PCDHA5: variants seen among roughly 807,000 people sequenced by gnomAD.
PCDHA5 encodes the protein protocadherin alpha 5, also known as protocadherin alpha-5.
Under a neutral mutation model 61.6 loss-of-function variants are expected in PCDHA5, and 43 were observed. The ratio of observed to expected loss-of-function variants is 0.70; its 90% CI spans 0.55 to 0.90. The LOEUF is 0.90. PCDHA5 is among the 40% of genes least tolerant of loss of function. The probability of loss-of-function intolerance (pLI) is 0.00; values close to 1 mark genes in which losing one functional copy is unlikely to be tolerated. For missense variants in PCDHA5, 1,298 were observed against 1,222.7 expected, an observed-to-expected ratio of 1.06 and a Z score of -0.92; for synonymous variants, 627 against 543.9, an observed-to-expected ratio of 1.15 and a Z score of -2.13.
chr5:140,965,011 A>T (rs1418726287), intron 1 of PCDHA5, among the ~76,000 whole-genome samples: 1 of 152,186 alleles, frequency 6.6e-6, no homozygotes, highest in Non-Finnish European at 1.5e-5. Context: ...TGTCAGGATC[A>T]CAACCTTGGC....
At chr5:140,861,401 G>T in intron 1 of PCDHA5, 1 of 465,630 alleles carries the variant, frequency 2.1e-6, no homozygotes, top group Non-Finnish European at 4.4e-6. Flanking sequence ...TGGAGCTTGT[G>T]GAGCTGATAC....
rs377370256 is a variant in PCDHA5 at position 140,966,811 on chromosome 5, G to A, written c.2353-12138G>A. On this transcript the variant is annotated intron_variant, in intron 1 of 3. Transcript: ENST00000529859. ...GACCTGCGGCGACAGAGCATCCACGGCTCCGGCGGCCCATGCCCTGGCTGC... is the reference window on the plus strand; with the variant it reads ...GACCTGCGGCGACAGAGCATCCACGACTCCGGCGGCCCATGCCCTGGCTGC... The A allele has an allele frequency of 1.4e-5, 21 of 1,549,722 alleles. No individual in the cohort carries two copies. The African/African-American group carries it at 2.6e-4, about 19-fold the overall frequency.
chr5:140,928,801 G>T (rs1554206325), intron 1 of PCDHA5: 1 of 1,614,066 alleles, frequency 6.2e-7, no homozygotes, highest in African/African-American at 1.3e-5. Flanking sequence ...GGTGGTGGTA[G>T]TGGTTCGGGA....
At chr5:140,830,934 C>A in intron 1 of PCDHA5, 1 of 152,356 alleles carries the variant, frequency 6.6e-6, no homozygotes, top group Admixed American at 6.5e-5. Context: ...TCTGTCGACA[C>A]TTTTATTAAG....
At chr5:140,858,342 C>T (rs528199752) in intron 1 of PCDHA5, 5 of 1,594,916 alleles carry the variant, frequency 3.1e-6, no homozygotes, top group East Asian at 2.2e-5. Flanking sequence ...CTGCCCAAGG[C>T]GGACCTCATG....
intron 3 of PCDHA5, among the ~76,000 whole-genome samples, chr5:141,000,403 A>G (rs1233777704): frequency 4.8e-5 from 4 of 84,110 alleles, no homozygotes; most frequent in Non-Finnish European, 9.0e-5. Context: ...CTCTATATAT[A>G]TATATATATA....
intron 1 of PCDHA5, 34 bp from the exon 2 acceptor site, chr5:140,978,915 A>G: frequency 6.2e-7 from 1 of 1,613,970 alleles, no homozygotes; most frequent in Non-Finnish European, 8.5e-7. Context: ...TTGTCTTGTC[A>G]TTTTAACAGA....
At chr5:140,855,376 A>T (rs1239693937) in intron 1 of PCDHA5, among the ~76,000 whole-genome samples, 1 of 150,012 alleles carries the variant, frequency 6.7e-6, no homozygotes, top group Non-Finnish European at 1.5e-5. Context: ...GATAATAGGA[A>T]TCTAAATGGA....
chr5:140,836,113 T>A, intron 1 of PCDHA5: 1 of 1,613,528 alleles, frequency 6.2e-7, no homozygotes, highest in South Asian at 1.1e-5. Flanking sequence ...GGTGGCGCAG[T>A]GAGAGAGCTT....
intron 3 of PCDHA5, among the ~76,000 whole-genome samples, chr5:140,983,802 A>G (rs2097069375): frequency 6.6e-6 from 1 of 152,246 alleles, no homozygotes; most frequent in South Asian, 2.1e-4. Context: ...ATGTGTGTGT[A>G]AAAGGTTTTT....
rs782325875 is a variant in PCDHA5, at chr5:140,979,026, A to T, written c.2411+19A>T. The T allele has an allele frequency of 6.2e-7, 1 of 1,613,490 alleles. No homozygotes were observed. The highest frequency in any genetic ancestry group is 1.1e-5 in the South Asian group (1 of 90,898). On this transcript the variant is annotated intron_variant, in intron 2 of 3. Transcript: ENST00000529859. ...TGCACAGGTATGTATTTCCCTCCTC[A>T]TTCACTCAGAAGTAACCTTAACTTG...
At chr5:140,848,803 G>A in intron 1 of PCDHA5, 3 of 1,592,286 alleles carry the variant, frequency 1.9e-6, no homozygotes, top group South Asian at 1.1e-5. Flanking sequence ...GCGGAGTGCA[G>A]CATCCACCTG....
intron 1 of PCDHA5, chr5:140,863,366 C>T (rs1408958867): frequency 6.7e-6 from 8 of 1,190,328 alleles, no homozygotes; most frequent in African/African-American, 4.6e-5. Flanking sequence ...CGGTGCTTGG[C>T]GCAGCTCACC....
At chr5:140,862,837 A>T (rs1562571150) in intron 1 of PCDHA5, 1 of 575,832 alleles carries the variant, frequency 1.7e-6, no homozygotes, top group African/African-American at 1.9e-5. Context: ...CGACGCGGGC[A>T]TGCCGCCTCT....
chr5:140,833,596 T>C (rs1772537859), intron 1 of PCDHA5, among the ~76,000 whole-genome samples: 2 of 152,316 alleles, frequency 1.3e-5, no homozygotes, highest in South Asian at 4.1e-4. Context: ...TATATATAGA[T>C]TCTGCTAAAG....
intron 1 of PCDHA5, among the ~76,000 whole-genome samples, chr5:140,964,060 G>A (rs1187796756): frequency 6.6e-6 from 1 of 152,200 alleles, no homozygotes; most frequent in Non-Finnish European, 1.5e-5. Context: ...GTGTGGTCAA[G>A]GCATTAGTGT....
chr5:140,823,206 T>A lies in PCDHA5; in HGVS notation c.1431T>A (p.Ser477=). The change falls in exon 1 of 4, where the codon TCT becomes TCA. Residue 477 remains serine (S), a synonymous_variant. Transcript: ENST00000529859. ...NPPGCHIFTV[S]ARDADAQENA... is the part of the protein sequence containing the mutation. ...CAGGCTGCCACATCTTCACGGTGTC[T>A]GCACGGGACGCGGACGCGCAGGAGA... 6.2e-7 allele frequency: 1 copy of A among 1,613,806 alleles called. No homozygotes were observed. The highest frequency in any genetic ancestry group is 1.1e-5 in the South Asian group (1 of 91,082).
chr5:140,962,944 G>T (rs572517623), intron 1 of PCDHA5, among the ~76,000 whole-genome samples: 1 of 152,158 alleles, frequency 6.6e-6, no homozygotes, highest in East Asian at 1.9e-4. Flanking sequence ...CTCTCCATAA[G>T]ATATGCTCTA....
intron 1 of PCDHA5, chr5:140,843,236 G>A (rs1778700503): frequency 6.3e-7 from 1 of 1,595,846 alleles, no homozygotes; most frequent in Non-Finnish European, 8.6e-7. Flanking sequence ...TGTCCTGGAC[G>A]AAGCGGACTC....
Sources: gnomAD v4.1 joint callset for allele counts (sites outside exome capture counted in the v4.1 genomes callset) on GRCh38, gnomAD v4.1.1 for gene constraint, MANE v1.5 for transcripts, NCBI Gene and HGNC (gene_info 2026-07-23, HGNC 2026-07-21) for gene names.